CLSTN2: variants seen among roughly 807,000 people sequenced by gnomAD.
The protein encoded by CLSTN2 is calsyntenin-2.
Under a neutral mutation model 101.2 loss-of-function variants are expected in CLSTN2, and 48 were observed. The observed-to-expected ratio is 0.47, with a 90% CI of 0.38 to 0.60. The LOEUF (loss-of-function observed/expected upper bound fraction) is 0.60, where lower values mean the gene tolerates loss of function less well. CLSTN2 is among the 20% of genes least tolerant of loss of function. The pLI, the probability that CLSTN2 is intolerant of heterozygous loss-of-function variation, is 0.00. For synonymous variants in CLSTN2, 481 were observed against 463.6 expected (o/e 1.04, Z -0.48); for missense variants, 1,160 against 1,238.2 (o/e 0.94, Z 0.95).
intron 1 of CLSTN2, among the ~76,000 whole-genome samples, chr3:139,987,726 T>G (rs1254457779): frequency 6.6e-6 from 1 of 152,204 alleles, no homozygotes; most frequent in Non-Finnish European, 1.5e-5. Flanking sequence ...CCCATGTCCT[T>G]GATCTTCCTA....
In CLSTN2 at chr3:140,341,477, C is replaced by A. The variant is rs370271276; in HGVS notation, c.233-62152C>A. Among the ~76,000 whole-genome samples the A allele has an allele frequency of 9.8e-5, 15 of 152,312 alleles. No individual in the cohort carries two copies. In the South Asian group the frequency reaches 2.5e-3, roughly 25 times the overall value. ...CCATAAATCAGCCAGGGAGGCTGCA[C>A]CCTCACTGTAAAAGTGAAGGGGACT... is the stretch of plus-strand genomic sequence containing the variant. On this transcript the variant is annotated intron_variant, in intron 2 of 16. Coordinates refer to ENST00000458420, the MANE Select transcript of CLSTN2 (RefSeq NM_022131.3).
chr3:140,023,764 T>C (rs59042305), intron 1 of CLSTN2, among the ~76,000 whole-genome samples: 1 of 152,252 alleles, frequency 6.6e-6, no homozygotes, highest in East Asian at 1.9e-4. Flanking sequence ...CCCTAGACAT[T>C]GTGCCTCGCA....
At chr3:140,324,139 G>T (rs1425053739) in intron 2 of CLSTN2, among the ~76,000 whole-genome samples, 1 of 152,112 alleles carries the variant, frequency 6.6e-6, no homozygotes, top group Non-Finnish European at 1.5e-5. Flanking sequence ...AAGTACTGTG[G>T]GCACCTTAAA....
At chr3:139,988,814 G>T (rs1936071072) in intron 1 of CLSTN2, among the ~76,000 whole-genome samples, 1 of 152,166 alleles carries the variant, frequency 6.6e-6, no homozygotes, top group African/African-American at 2.4e-5. Flanking sequence ...TGGCTGATGG[G>T]ATCCTGCCTG....
chr3:140,369,566 T>C (rs923195391), intron 2 of CLSTN2, among the ~76,000 whole-genome samples: 2 of 113,316 alleles, frequency 1.8e-5, no homozygotes, highest in African/African-American at 6.6e-5. Flanking sequence ...AGATGTCTGA[T>C]AATAATTTGT....
Position 140,558,941 on chromosome 3 carries a change from G to C in CLSTN2, c.2041+84G>C, listed in dbSNP as rs1158245705. The C allele has an allele frequency of 2.8e-6, 3 of 1,085,474 alleles. No individual in the cohort carries two copies. In the Admixed American group the frequency reaches 6.2e-5, roughly 22 times the overall value. The allele number at this position is 1,085,474 out of a possible 1,614,324, so 67.2% of individuals were successfully genotyped here. Reference sequence around the variant, plus strand: ...AAACATACTTCAGAACAACAGCATTGTTCATGTAATGTATACATGGCTTAA... The same window carrying C: ...AAACATACTTCAGAACAACAGCATTCTTCATGTAATGTATACATGGCTTAA... On this transcript the variant is annotated intron_variant, in intron 12 of 16. Transcript: ENST00000458420.
chr3:140,202,952 C>T (rs886870186), intron 2 of CLSTN2, among the ~76,000 whole-genome samples: 1 of 152,112 alleles, frequency 6.6e-6, no homozygotes, highest in Non-Finnish European at 1.5e-5. Flanking sequence ...GATCTATGCC[C>T]CCTCCTGGTC....
At chr3:140,159,782 A>G (rs1576450058) in intron 1 of CLSTN2, among the ~76,000 whole-genome samples, 1 of 152,190 alleles carries the variant, frequency 6.6e-6, no homozygotes, top group African/African-American at 2.4e-5. Flanking sequence ...TCAACAGTAG[A>G]TTGGATAAAG....
rs1400147265 is a variant in CLSTN2 at position 140,556,520 on chromosome 3, T to G, written c.1682T>G (p.Phe561Cys). The G allele has an allele frequency of 6.2e-7, 1 of 1,614,064 alleles. No individual in the cohort carries two copies. The highest frequency in any genetic ancestry group is 8.5e-7 in the Non-Finnish European group (1 of 1,179,944). Residue 561 changes from phenylalanine to cysteine, a missense_variant, in exon 11 of 17, where the codon TTC becomes TGC. Transcript: ENST00000458420. ...CTCACTTTTGTCTTCCAGTATCACT[T>G]CAACCCCTCGCAGTCCATCCTGGTG... The part of the protein sequence containing the change: ...ESLGQGIKYH[F>C]NPSQSILVME...
intron 2 of CLSTN2, among the ~76,000 whole-genome samples, chr3:140,326,850 C>T (rs1255950799): frequency 6.6e-6 from 1 of 152,206 alleles, no homozygotes; most frequent in Non-Finnish European, 1.5e-5. Context: ...CCCTCTATAA[C>T]TTTACTCGCT....
chr3:140,091,556 A>G (rs2008780784), intron 1 of CLSTN2, among the ~76,000 whole-genome samples: 1 of 152,230 alleles, frequency 6.6e-6, no homozygotes. Flanking sequence ...CATTTAAAAA[A>G]TGTTTATGCT....
chr3:140,034,028 T>C (rs1454984575), intron 1 of CLSTN2, among the ~76,000 whole-genome samples: 1 of 151,744 alleles, frequency 6.6e-6, no homozygotes, highest in African/African-American at 2.4e-5. Context: ...TTGAGTAAAT[T>C]TGCATTTTGT....
At chr3:140,211,357 C>T (rs1361403318) in intron 2 of CLSTN2, among the ~76,000 whole-genome samples, 2 of 146,556 alleles carry the variant, frequency 1.4e-5, no homozygotes, top group African/African-American at 5.0e-5. Context: ...GACCAGTAGA[C>T]ATAAGGAGAG....
At chr3:140,327,869 A>T (rs140615793) in intron 2 of CLSTN2, among the ~76,000 whole-genome samples, 129 of 152,358 alleles carry the variant, frequency 8.5e-4, no homozygotes, top group African/African-American at 3.1e-3. Flanking sequence ...ATACTTAGCG[A>T]TAGGTACATT....
chr3:140,154,737 C>A (rs980580327), intron 1 of CLSTN2, among the ~76,000 whole-genome samples: 6 of 150,838 alleles, frequency 4.0e-5, no homozygotes, highest in African/African-American at 1.5e-4. Context: ...CTCTGCCTCC[C>A]GGGTTCACGC....
At chr3:140,533,851 A>C (rs898875732) in intron 9 of CLSTN2, among the ~76,000 whole-genome samples, 1 of 152,196 alleles carries the variant, frequency 6.6e-6, no homozygotes, top group African/African-American at 2.4e-5. Context: ...AAAGGAGTAC[A>C]TACAGTGCAG....
intron 5 of CLSTN2, among the ~76,000 whole-genome samples, chr3:140,427,240 T>TACAC (rs1559866802): frequency 8.1e-6 from 1 of 123,300 alleles, no homozygotes; most frequent in African/African-American, 3.5e-5. Context: ...TATATATATA[T>TACAC]ATATACATAT....
chr3:140,479,390 A>G (rs909113899), intron 8 of CLSTN2, among the ~76,000 whole-genome samples: 1 of 152,208 alleles, frequency 6.6e-6, no homozygotes, highest in African/African-American at 2.4e-5. Flanking sequence ...AAAATCAACA[A>G]TAACAGAATC....
chr3:139,960,605 C>T (rs1050334280), intron 1 of CLSTN2, among the ~76,000 whole-genome samples: 9 of 152,228 alleles, frequency 5.9e-5, no homozygotes, highest in South Asian at 4.1e-4. Context: ...GCCTTCCTTT[C>T]CTTCTCTGCC....
Sources: gnomAD v4.1 joint callset for allele counts (sites outside exome capture counted in the v4.1 genomes callset) on GRCh38, gnomAD v4.1.1 for gene constraint, MANE v1.5 for transcripts, NCBI Gene and HGNC (gene_info 2026-07-23, HGNC 2026-07-21) for gene names.